The following ALK variants were observed in gnomAD, a reference collection of about 807,000 sequenced individuals.
ALK encodes ALK tyrosine kinase receptor.
A neutral mutation model predicts 163.1 loss-of-function variants in ALK; 74 were observed. The ratio of observed to expected loss-of-function variants is 0.45; its 90% CI spans 0.38 to 0.55. The LOEUF is 0.55. Among genes scored for constraint, ALK ranks in the 20% least tolerant of loss-of-function variants. The pLI is 0.00. For synonymous variants in ALK, 960 were observed against 843.2 expected (o/e 1.14, Z -2.40); for missense variants, 2,063 against 2,105.3 (o/e 0.98, Z 0.39).
intron 1 of ALK, among the ~76,000 whole-genome samples, chr2:29,822,420 C>A (rs550327442): frequency 6.6e-6 from 1 of 152,188 alleles, no homozygotes; most frequent in Non-Finnish European, 1.5e-5. Flanking sequence ...ATTCATGTGG[C>A]CAAGTCTGAA....
At chr2:29,465,684 G>C (rs72858326) in intron 4 of ALK, among the ~76,000 whole-genome samples, 4,284 of 151,342 alleles carry the variant, frequency 0.028, 204 homozygotes, top group African/African-American at 0.099. Flanking sequence ...ACAGAACAAG[G>C]CTTCATTTCA....
At chr2:29,394,547 G>A (rs1669257883) in intron 4 of ALK, among the ~76,000 whole-genome samples, 1 of 152,216 alleles carries the variant, frequency 6.6e-6, no homozygotes, top group African/African-American at 2.4e-5. Flanking sequence ...GGGAGAGAGT[G>A]TGGATGGTGC....
At chr2:29,211,323 C>T (rs78540497) in intron 24 of ALK, among the ~76,000 whole-genome samples, 1,631 of 142,896 alleles carry the variant, frequency 0.011, 15 homozygotes, top group Non-Finnish European at 0.016. Context: ...GCTGTATAGC[C>T]GTTAATTCTC....
chr2:29,448,011 T>C (rs4497832), intron 4 of ALK, among the ~76,000 whole-genome samples: 80,728 of 152,064 alleles, frequency 0.53, 21,661 homozygotes, highest in East Asian at 0.68. Context: ...GACAGTAACA[T>C]TCTTGGTTTT....
intron 26 of ALK, among the ~76,000 whole-genome samples, chr2:29,199,510 C>T (rs762270256): frequency 1.3e-5 from 2 of 152,130 alleles, no homozygotes; most frequent in African/African-American, 4.8e-5. Context: ...CAAATAACTA[C>T]TCTTCCAACA....
At chr2:29,575,442 C>T (rs1234118224) in intron 3 of ALK, among the ~76,000 whole-genome samples, 1 of 152,128 alleles carries the variant, frequency 6.6e-6, no homozygotes, top group Non-Finnish European at 1.5e-5. Flanking sequence ...TGCAACCTCC[C>T]TCATCCCCAC....
intron 11 of ALK, among the ~76,000 whole-genome samples, chr2:29,266,510 T>C (rs1229816500): frequency 6.6e-6 from 1 of 152,240 alleles, no homozygotes; most frequent in Non-Finnish European, 1.5e-5. Context: ...TTAATTACAA[T>C]GTCACAACAG....
intron 1 of ALK, among the ~76,000 whole-genome samples, chr2:29,838,837 G>A (rs1002582588): frequency 6.6e-6 from 1 of 152,040 alleles, no homozygotes; most frequent in Non-Finnish European, 1.5e-5. Context: ...TAGGGAAGAG[G>A]GTTATGCAGG....
chr2:29,890,706 T>A (rs1454358561), intron 1 of ALK: 1 of 152,214 alleles, frequency 6.6e-6, no homozygotes, highest in Admixed American at 6.5e-5. Context: ...CATATACGAC[T>A]CATCTTAAGC....
chr2:29,242,835 G>A (rs1178097166), intron 12 of ALK, among the ~76,000 whole-genome samples: 22 of 152,256 alleles, frequency 1.4e-4, no homozygotes, highest in Admixed American at 1.4e-3. Flanking sequence ...AAAGTAGACA[G>A]CAGAGCTTGG....
chr2:29,656,381 G>A (rs1035447075), intron 3 of ALK, among the ~76,000 whole-genome samples: 1 of 152,034 alleles, frequency 6.6e-6, no homozygotes, highest in Non-Finnish European at 1.5e-5. Flanking sequence ...TATCCCACAG[G>A]ACACTAATGA....
intron 2 of ALK, among the ~76,000 whole-genome samples, chr2:29,706,952 T>C (rs898087215): frequency 2.4e-4 from 35 of 148,860 alleles, no homozygotes; most frequent in African/African-American, 8.7e-4. Flanking sequence ...CTGCTTGCAA[T>C]TTCCAGGAAA....
At chr2:29,272,443 A>G (rs1665417556) in intron 11 of ALK, among the ~76,000 whole-genome samples, 1 of 152,202 alleles carries the variant, frequency 6.6e-6, no homozygotes, top group Non-Finnish European at 1.5e-5. Flanking sequence ...GCTCTGCTCC[A>G]TGGGCCTGGA....
At chr2:29,279,668 T>C (rs111790806) in intron 9 of ALK, among the ~76,000 whole-genome samples, 3 of 152,278 alleles carry the variant, frequency 2.0e-5, no homozygotes, top group African/African-American at 7.2e-5. Context: ...CTTTACCTGA[T>C]AGGTGAAGAA....
intron 3 of ALK, among the ~76,000 whole-genome samples, chr2:29,645,202 C>T (rs1368159998): frequency 6.6e-6 from 1 of 152,112 alleles, no homozygotes; most frequent in African/African-American, 2.4e-5. Context: ...AGTGTAAAGG[C>T]TCAGTTTTGG....
chr2:29,233,962 C>T (rs762795031), intron 13 of ALK, among the ~76,000 whole-genome samples: 35 of 151,990 alleles, frequency 2.3e-4, no homozygotes, highest in Admixed American at 2.6e-4. Context: ...TTGTAGGAGG[C>T]GGCTTTTAGT....
intron 1 of ALK, among the ~76,000 whole-genome samples, chr2:29,774,237 C>G (rs1558482441): frequency 6.6e-6 from 1 of 152,208 alleles, no homozygotes; most frequent in African/African-American, 2.4e-5. Context: ...CTGACTGACA[C>G]ATTTCTGACT....
At chr2:29,465,111 T>C (rs1671177330) in intron 4 of ALK, among the ~76,000 whole-genome samples, 1 of 151,936 alleles carries the variant, frequency 6.6e-6, no homozygotes, top group Non-Finnish European at 1.5e-5. Context: ...GTAAAGAAAA[T>C]TACATCAAGA....
chr2:29,455,959 G>T lies in ALK; in HGVS notation c.1155-72100C>A, dbSNP rs551809920. Among the ~76,000 whole-genome samples the T allele has an allele frequency of 2.0e-5, 3 of 152,276 alleles. No homozygotes were observed. In the East Asian group the frequency reaches 5.8e-4, roughly 29 times the overall value. Reference sequence around the variant, plus strand: ...CAAGGAACACAGCCATAAGTTTGAGGCCAAAGAGCTCTAGATTAAAACTGA... The same window carrying T: ...CAAGGAACACAGCCATAAGTTTGAGTCCAAAGAGCTCTAGATTAAAACTGA... On this transcript the variant is annotated intron_variant, in intron 4 of 28. Transcript: ENST00000389048.
Sources: allele counts gnomAD v4.1 joint callset (sites outside exome capture counted in the v4.1 genomes callset), GRCh38; gene constraint gnomAD v4.1.1; transcripts MANE v1.5; gene names NCBI Gene and HGNC (gene_info 2026-07-23, HGNC 2026-07-21).